The following NELL1 variants were observed in gnomAD, a reference collection of about 807,000 sequenced individuals.
NELL1 encodes protein kinase C-binding protein NELL1.
A neutral mutation model predicts 107.4 loss-of-function variants in NELL1; 76 were observed. The ratio of observed to expected loss-of-function variants is 0.71; its 90% CI spans 0.59 to 0.86. The LOEUF is 0.86. Ranked by LOEUF, NELL1 falls within the 40% of genes least tolerant of loss-of-function variation. The pLI is 0.00. For missense variants in NELL1, 1,024 were observed against 1,005.5 expected, an observed-to-expected ratio of 1.02 and a Z score of -0.25; for synonymous variants, 353 against 341.2, an observed-to-expected ratio of 1.03 and a Z score of -0.38.
intron 12 of NELL1, among the ~76,000 whole-genome samples, chr11:21,088,933 T>C (rs1420398674): frequency 6.6e-6 from 1 of 152,194 alleles, no homozygotes; most frequent in Non-Finnish European, 1.5e-5. Context: ...GATTTATCAT[T>C]TGAAGATAGC....
At chr11:21,345,467 A>T (rs1389614101) in intron 14 of NELL1, among the ~76,000 whole-genome samples, 1 of 152,184 alleles carries the variant, frequency 6.6e-6, no homozygotes, top group Non-Finnish European at 1.5e-5. Flanking sequence ...TGTGAAGTTG[A>T]CAGAGCAGGG....
intron 3 of NELL1, among the ~76,000 whole-genome samples, chr11:20,832,371 G>A (rs939805330): frequency 3.3e-5 from 5 of 152,126 alleles, no homozygotes; most frequent in Admixed American, 2.0e-4. Context: ...GTACTTATCC[G>A]TTTTCAATTT....
At chr11:21,269,789 T>C (rs553102024) in intron 14 of NELL1, among the ~76,000 whole-genome samples, 5 of 152,240 alleles carry the variant, frequency 3.3e-5, no homozygotes, top group Admixed American at 3.3e-4. Context: ...ATTAAAACTT[T>C]TCCCTTATCA....
chr11:20,873,953 G>A (rs985704478), intron 4 of NELL1, among the ~76,000 whole-genome samples: 2 of 152,034 alleles, frequency 1.3e-5, no homozygotes, highest in African/African-American at 2.4e-5. Context: ...TTGTAGAGAT[G>A]TGGGTCTTCC....
chr11:21,370,033 G>A (rs1382585587), intron 14 of NELL1, among the ~76,000 whole-genome samples: 1 of 152,068 alleles, frequency 6.6e-6, no homozygotes, highest in Non-Finnish European at 1.5e-5. Flanking sequence ...TGATAAAGCA[G>A]GGGATGGTAA....
At chr11:21,222,444 C>A (rs1203349584) in intron 13 of NELL1, among the ~76,000 whole-genome samples, 2 of 151,942 alleles carry the variant, frequency 1.3e-5, no homozygotes, top group African/African-American at 2.4e-5. Context: ...GATCTGCCTG[C>A]CTCGGCCTCC....
At chr11:21,102,891 A>G (rs1442243707) in intron 12 of NELL1, among the ~76,000 whole-genome samples, 1 of 152,224 alleles carries the variant, frequency 6.6e-6, no homozygotes, top group East Asian at 1.9e-4. Context: ...TTTAAGAACC[A>G]GCTTCAGTAG....
intron 17 of NELL1, among the ~76,000 whole-genome samples, chr11:21,565,992 TCA>T (rs1856964360): frequency 2.0e-5 from 3 of 151,962 alleles, no homozygotes; most frequent in African/African-American, 7.2e-5. Context: ...ATATCAGGCA[TCA>T]GCAAGGTTTT....
chr11:21,164,028 T>C (rs1430519956), intron 13 of NELL1, among the ~76,000 whole-genome samples: 1 of 152,112 alleles, frequency 6.6e-6, no homozygotes, highest in Non-Finnish European at 1.5e-5. Flanking sequence ...AAAAGTCATA[T>C]AAGAACAGAG....
rs1056590374 is a variant in NELL1 at position 21,414,475 on chromosome 11, T to C, written c.1645+43527T>C. ...TTAGTGACCATAGAAAGTCTCTTCA[T>C]TGACTTGTGGGCATTCCTGGATCAC... On this transcript the variant is annotated intron_variant, in intron 15 of 19. Coordinates refer to ENST00000357134, the MANE Select transcript of NELL1 (RefSeq NM_006157.5). Among the ~76,000 whole-genome samples, 3 of 152,074 alleles carry C rather than the reference T, an allele frequency of 2.0e-5. No individual in the cohort carries two copies. In the South Asian group the frequency reaches 6.2e-4, roughly 31 times the overall value.
chr11:21,281,205 C>T (rs1670648), intron 14 of NELL1, among the ~76,000 whole-genome samples: 97,863 of 151,308 alleles, frequency 0.65, 32,106 homozygotes, highest in African/African-American at 0.73. Flanking sequence ...GGACACCCCC[C>T]GAGCCAGAAG....
At chr11:20,886,552 A>G (rs553910393) in intron 5 of NELL1, among the ~76,000 whole-genome samples, 2 of 152,204 alleles carry the variant, frequency 1.3e-5, no homozygotes, top group African/African-American at 2.4e-5. Flanking sequence ...CCAGAGGGGT[A>G]TCAGTACCAG....
chr11:20,919,324 T>A lies in NELL1; in HGVS notation c.749T>A (p.Met250Lys). 1 of 1,592,554 alleles carries A rather than the reference T, an allele frequency of 6.3e-7. No individual in the cohort carries two copies. Among genetic ancestry groups the A allele is most frequent in the Non-Finnish European group, 8.6e-7 (1 of 1,163,488 alleles). The change falls in exon 7 of 20, where the codon ATG becomes AAG. Residue 250 changes from methionine to lysine, a missense_variant. Coordinates refer to ENST00000357134, the MANE Select transcript of NELL1 (RefSeq NM_006157.5). ...GATTTACAAGAGCTTTTGGCCAAGA[T>A]GACTGCAAAAGTAGGTATCTAAATT... ...IMDLQELLAKMTAKLNYAETR... is the reference protein window; with the variant it reads ...IMDLQELLAKKTAKLNYAETR...
chr11:21,304,985 A>C (rs1331362396), intron 14 of NELL1, among the ~76,000 whole-genome samples: 1 of 152,024 alleles, frequency 6.6e-6, no homozygotes, highest in East Asian at 1.9e-4. Context: ...TGGGGAAACA[A>C]TAAAAGAAGA....
chr11:21,203,417 A>C (rs12807378), intron 13 of NELL1, among the ~76,000 whole-genome samples: 2 of 140,654 alleles, frequency 1.4e-5, no homozygotes, highest in African/African-American at 2.6e-5. Context: ...TCCGTCTAGA[A>C]TTGCAACCCT....
chr11:21,001,622 AAG>A (rs1306445355), intron 12 of NELL1, among the ~76,000 whole-genome samples: 1 of 152,170 alleles, frequency 6.6e-6, no homozygotes, highest in East Asian at 1.9e-4. Context: ...TTTATTAAGA[AAG>A]AGGGGAATGC....
intron 15 of NELL1, among the ~76,000 whole-genome samples, chr11:21,453,556 C>A (rs1853641118): frequency 6.6e-6 from 1 of 151,414 alleles, no homozygotes; most frequent in African/African-American, 2.4e-5. Context: ...GTAATTAGGT[C>A]TTGTTTTTTT....
intron 14 of NELL1, among the ~76,000 whole-genome samples, chr11:21,251,067 T>C (rs1245583409): frequency 6.6e-6 from 1 of 152,172 alleles, no homozygotes; most frequent in African/African-American, 2.4e-5. Context: ...GTAAATGCCA[T>C]TTATCAGGCA....
intron 3 of NELL1, among the ~76,000 whole-genome samples, chr11:20,803,531 G>T (rs773153689): frequency 1.3e-5 from 2 of 150,452 alleles, no homozygotes; most frequent in Non-Finnish European, 1.5e-5. Context: ...TTGTTTCTTC[G>T]TTTCAATTTC....
Sources: allele counts gnomAD v4.1 joint callset (sites outside exome capture counted in the v4.1 genomes callset), GRCh38; gene constraint gnomAD v4.1.1; transcripts MANE v1.5; gene names NCBI Gene and HGNC (gene_info 2026-07-23, HGNC 2026-07-21).